The following CAST variants were observed in gnomAD, a reference collection of about 807,000 sequenced individuals.
The protein encoded by CAST is MIR583 host.
Under a neutral mutation model 119.6 loss-of-function variants are expected in CAST, and 76 were observed. That is an observed-to-expected ratio of 0.64 (90% confidence interval 0.53 to 0.77). The LOEUF (loss-of-function observed/expected upper bound fraction) is 0.77. CAST is among the 30% of genes least tolerant of loss of function. The probability of loss-of-function intolerance (pLI) is 0.00; values close to 1 mark genes in which losing one functional copy is unlikely to be tolerated. For missense variants in CAST, 953 were observed against 946.5 expected, an observed-to-expected ratio of 1.01 and a Z score of -0.09; for synonymous variants, 319 against 331.6, an observed-to-expected ratio of 0.96 and a Z score of 0.41.
the CAST span, among the ~76,000 whole-genome samples, chr5:96,089,417 T>G: frequency 5.3e-5 from 8 of 152,216 alleles, no homozygotes; most frequent in African/African-American, 1.9e-4. Context: ...GATATTTATA[T>G]AGTATTGTTT....
chr5:96,397,645 G>C, the CAST span, among the ~76,000 whole-genome samples: 3 of 152,122 alleles, frequency 2.0e-5, no homozygotes, highest in Non-Finnish European at 4.4e-5. Flanking sequence ...TTTATCTATA[G>C]TGCTTAGCAC....
chr5:96,035,045 A>ATATATATATATATATATATATATTTAAG, the CAST span, among the ~76,000 whole-genome samples: 6 of 98,430 alleles, frequency 6.1e-5, no homozygotes, highest in African/African-American at 2.4e-4. Flanking sequence ...ATTTAAGTAT[A>ATATATATATATATATATATATATTTAAG]TATATATATA....
intron 1 of CAST, among the ~76,000 whole-genome samples, chr5:96,579,330 C>G (rs1326025682): frequency 6.6e-6 from 1 of 152,174 alleles, no homozygotes; most frequent in Non-Finnish European, 1.5e-5. Flanking sequence ...ATGGCTGCAT[C>G]CCTCTTGCCA....
intron 1 of CAST, chr5:96,546,544 T>C (rs1724439596): frequency 9.3e-6 from 1 of 107,508 alleles, no homozygotes; most frequent in Admixed American, 1.1e-4. Flanking sequence ...AAAATGGAAA[T>C]AGTTATCTGA....
At chr5:96,514,987 G>A in the CAST span, among the ~76,000 whole-genome samples, 3 of 152,090 alleles carry the variant, frequency 2.0e-5, no homozygotes, top group Admixed American at 6.6e-5. Context: ...CTGGTCTCAG[G>A]TGATCTGCCC....
the CAST span, among the ~76,000 whole-genome samples, chr5:96,456,400 A>G: frequency 6.6e-6 from 1 of 152,178 alleles, no homozygotes; most frequent in Non-Finnish European, 1.5e-5. Context: ...AGGTTTTCCT[A>G]GAGGCAAAAT....
At chr5:96,035,006 G>T in the CAST span, among the ~76,000 whole-genome samples, 1 of 141,042 alleles carries the variant, frequency 7.1e-6, no homozygotes, top group Non-Finnish European at 1.5e-5. Context: ...TTCTTCATCC[G>T]TTCATTCAAT....
chr5:96,388,393 T>C, the CAST span, among the ~76,000 whole-genome samples: 1 of 152,218 alleles, frequency 6.6e-6, no homozygotes, highest in Non-Finnish European at 1.5e-5. Flanking sequence ...TATACATCTG[T>C]TCTGGAAACC....
chr5:96,107,480 T>A, the CAST span, among the ~76,000 whole-genome samples: 5 of 152,068 alleles, frequency 3.3e-5, no homozygotes, highest in African/African-American at 1.2e-4. Context: ...CCTTCACTTA[T>A]GAAGCTTAGT....
chr5:96,605,944 A>C (rs261211), intron 1 of CAST, among the ~76,000 whole-genome samples: 82,562 of 151,974 alleles, frequency 0.54, 22,466 homozygotes, highest in African/African-American at 0.6. Context: ...ACTGTATTTG[A>C]AAGAAGCTTT....
chr5:96,355,009 T>C, the CAST span, among the ~76,000 whole-genome samples: 1,567 of 152,224 alleles, frequency 0.01, 27 homozygotes, highest in African/African-American at 0.036. Flanking sequence ...CTTTTCATTC[T>C]TTATAGTTCT....
upstream of CAST, among the ~76,000 whole-genome samples, chr5:96,521,768 T>C (rs1469185772): frequency 2.0e-5 from 3 of 152,208 alleles, no homozygotes; most frequent in African/African-American, 7.2e-5. Flanking sequence ...AACCAAGTAA[T>C]GTTTGATGTA....
chr5:96,423,580 A>G, the CAST span: 1 of 868,264 alleles, frequency 1.2e-6, no homozygotes, highest in Non-Finnish European at 1.9e-6. Context: ...ACTCTTTAGA[A>G]GAAGCCAATT....
the CAST span, among the ~76,000 whole-genome samples, chr5:95,979,623 A>T: frequency 2.6e-5 from 4 of 152,172 alleles, no homozygotes; most frequent in African/African-American, 9.7e-5. Flanking sequence ...CTTCAGAGAG[A>T]ATTAGTTTAA....
chr5:96,537,184 G>GCA (rs1456330706), intron 1 of CAST, among the ~76,000 whole-genome samples: 1 of 152,186 alleles, frequency 6.6e-6, no homozygotes, highest in Non-Finnish European at 1.5e-5. Flanking sequence ...CCCTTGCTGA[G>GCA]CTCTGTCCCA....
the CAST span, among the ~76,000 whole-genome samples, chr5:96,053,883 A>G: frequency 6.6e-6 from 1 of 152,222 alleles, no homozygotes; most frequent in Non-Finnish European, 1.5e-5. Flanking sequence ...TATTTCTCCC[A>G]CCTATGGCAT....
intron 13 of CAST, 35 bp from the exon 14 acceptor site, chr5:96,741,231 C>T: frequency 8.5e-7 from 1 of 1,179,156 alleles, no homozygotes. Flanking sequence ...TGAGTGCTTC[C>T]CGTAAGTTAC....
intron 6 of CAST, chr5:96,728,946 C>A: frequency 2.0e-6 from 1 of 507,438 alleles, no homozygotes; most frequent in East Asian, 3.5e-5. Flanking sequence ...TGATAATCAC[C>A]ATTCTCAGAG....
At chr5:96,503,808 C>A in the CAST span, among the ~76,000 whole-genome samples, 1 of 152,220 alleles carries the variant, frequency 6.6e-6, no homozygotes, top group East Asian at 1.9e-4. Flanking sequence ...ACACCTCCAC[C>A]CTTTTAGTCC....
Sources: allele counts gnomAD v4.1 joint callset (sites outside exome capture counted in the v4.1 genomes callset), GRCh38; gene constraint gnomAD v4.1.1; transcripts MANE v1.5; gene names NCBI Gene and HGNC (gene_info 2026-07-23, HGNC 2026-07-21).